Variants in RASSF3 observed in about 807,000 individuals in gnomAD.
The protein encoded by RASSF3 is Ras association domain family member 3, also known as ras association domain-containing protein 3.
A neutral mutation model predicts 19.9 loss-of-function variants in RASSF3; 19 were observed. That is an observed-to-expected ratio of 0.96 (90% CI 0.67 to 1.40). The LOEUF is 1.40. Ranked by LOEUF, RASSF3 falls within the 40% of genes most tolerant of loss-of-function variation. The pLI is 0.00. For missense variants in RASSF3, 306 were observed against 289.8 expected (o/e 1.06, Z -0.41); for synonymous variants, 110 against 104.2 (o/e 1.06, Z -0.34).
chr12:64,688,967 T>C (rs1873468691), intron 3 of RASSF3, among the ~76,000 whole-genome samples: 1 of 152,202 alleles, frequency 6.6e-6, no homozygotes, highest in African/African-American at 2.4e-5. Context: ...TGCCTTAGCT[T>C]GTCTCACTTG....
intron 2 of RASSF3, among the ~76,000 whole-genome samples, chr12:64,592,491 A>G (rs1248150510): frequency 1.3e-5 from 2 of 152,206 alleles, no homozygotes; most frequent in Non-Finnish European, 2.9e-5. Flanking sequence ...GTTTCCTACA[A>G]GAGGAAATGC....
intron 1 of RASSF3, among the ~76,000 whole-genome samples, chr12:64,675,064 C>A (rs1436871262): frequency 7.1e-6 from 1 of 140,572 alleles, no homozygotes; most frequent in Admixed American, 7.1e-5. Flanking sequence ...CCCCCCGCCA[C>A]CCCGGCTTCT....
rs1869228286 is a variant in RASSF3, at chr12:64,554,713, A to AC, written c.294+13011dup. On this transcript the variant is annotated intron_variant, in intron 2 of 5. Coordinates refer to the RASSF3 transcript ENST00000637125. ...GGAACTAGAAATGGGATGACAGTGA[A>AC]CCCAACTCCCATGACAATTACAACA... 3.3e-5 allele frequency among the ~76,000 whole-genome samples: 5 copies of AC among 152,294 alleles called. No homozygotes were observed. The South Asian group carries it at 8.3e-4, about 25-fold the overall frequency.
intron 1 of RASSF3, among the ~76,000 whole-genome samples, chr12:64,671,903 C>T (rs1193296581): frequency 6.6e-6 from 1 of 152,168 alleles, no homozygotes; most frequent in East Asian, 1.9e-4. Context: ...TGTGAACAGA[C>T]TTATCAAAGA....
chr12:64,547,295 C>T (rs1321257684), intron 2 of RASSF3, among the ~76,000 whole-genome samples: 1 of 148,834 alleles, frequency 6.7e-6, no homozygotes, highest in African/African-American at 2.5e-5. Context: ...AAGCCAGGCA[C>T]GGTGACTCAC....
At chr12:64,547,308 C>T (rs1379664859) in intron 2 of RASSF3, among the ~76,000 whole-genome samples, 1 of 150,746 alleles carries the variant, frequency 6.6e-6, no homozygotes, top group East Asian at 1.9e-4. Context: ...TGACTCACGC[C>T]TGTAATCCCA....
downstream of RASSF3, chr12:64,541,743 G>A (rs1381765705): frequency 1.3e-5 from 5 of 398,252 alleles, no homozygotes; most frequent in African/African-American, 1.0e-4. Context: ...CGTGCGTTTC[G>A]GTCACTCCCA....
chr12:64,541,587 AATATAT>A, exon 2 of RASSF3: 1 of 398,582 alleles, frequency 2.5e-6, no homozygotes, highest in Non-Finnish European at 4.4e-6. Context: ...TCAGAGGGTA[AATATAT>A]ATGTCATGCT....
At chr12:64,534,135 C>T (rs1868773149) in intron 1 of RASSF3, among the ~76,000 whole-genome samples, 1 of 152,004 alleles carries the variant, frequency 6.6e-6, no homozygotes, top group East Asian at 1.9e-4. Flanking sequence ...GTGGTGGGCA[C>T]CTGTAGTCTC....
intron 1 of RASSF3, among the ~76,000 whole-genome samples, chr12:64,646,885 T>A (rs962094977): frequency 6.6e-6 from 1 of 152,174 alleles, no homozygotes; most frequent in Non-Finnish European, 1.5e-5. Flanking sequence ...TGAGAAGTGA[T>A]TTGTATTCCT....
chr12:64,651,561 T>C (rs1254243226), intron 1 of RASSF3, among the ~76,000 whole-genome samples: 2 of 152,040 alleles, frequency 1.3e-5, no homozygotes, highest in Non-Finnish European at 2.9e-5. Context: ...TGTTTCACCA[T>C]GTTGGCCAGG....
intron 1 of RASSF3, among the ~76,000 whole-genome samples, chr12:64,514,681 T>G (rs926125566): frequency 5.3e-5 from 8 of 152,178 alleles, no homozygotes; most frequent in Non-Finnish European, 1.2e-4. Flanking sequence ...TCAGAGTGAC[T>G]TAGATCTTCC....
chr12:64,680,426 C>T (rs762527860), intron 1 of RASSF3, among the ~76,000 whole-genome samples: 1 of 151,934 alleles, frequency 6.6e-6, no homozygotes, highest in Non-Finnish European at 1.5e-5. Flanking sequence ...GGCGTGGTGT[C>T]TGCTGCTGAG....
At chr12:64,638,509 G>A (rs552551471) in intron 1 of RASSF3, among the ~76,000 whole-genome samples, 84 of 152,094 alleles carry the variant, frequency 5.5e-4, no homozygotes, top group African/African-American at 1.8e-3. Context: ...GAACCCAGGA[G>A]GCGGAGCTTG....
Position 64,688,074 on chromosome 12 carries a change from GC to G in RASSF3, c.220-141del, listed in dbSNP as rs1873426124. ...GCCCTCTGAGGTCATTCCTTTGGGG[GC>G]AATCTTTAGTGAAGTTCTGCCACAA... is the stretch of plus-strand genomic sequence containing the variant. On this transcript the variant is annotated intron_variant, in intron 2 of 4. Coordinates refer to ENST00000542104, the MANE Select transcript of RASSF3 (RefSeq NM_178169.4). 3 of 717,508 alleles carry G rather than the reference GC, an allele frequency of 4.2e-6. No individual in the cohort carries two copies. The East Asian group carries it at 7.4e-5, about 18-fold the overall frequency. The allele number at this position is 717,508 out of a possible 1,614,324, so 44.4% of individuals were successfully genotyped here.
chr12:64,610,844 G>A (rs1870328864), intron 1 of RASSF3, 101 bp downstream of exon 1: 1 of 602,582 alleles, frequency 1.7e-6, no homozygotes, highest in South Asian at 2.5e-5. Context: ...GGGCGCTCGG[G>A]GGATGCTCGC....
chr12:64,619,357 A>G (rs947852825), intron 1 of RASSF3, among the ~76,000 whole-genome samples: 2 of 151,982 alleles, frequency 1.3e-5, no homozygotes, highest in Non-Finnish European at 2.9e-5. Flanking sequence ...AGCCAATAAG[A>G]TAAAACTGAC....
intron 1 of RASSF3, among the ~76,000 whole-genome samples, chr12:64,662,422 A>G (rs1872401456): frequency 1.3e-5 from 2 of 151,582 alleles, no homozygotes; most frequent in African/African-American, 4.9e-5. Context: ...CCCTGTCTCA[A>G]ACAAAGAAAC....
downstream of RASSF3, among the ~76,000 whole-genome samples, chr12:64,546,051 ACGCCAATG>A (rs1869047325): frequency 7.3e-6 from 1 of 136,112 alleles, no homozygotes; most frequent in Non-Finnish European, 1.5e-5. Context: ...AGCTGAGATT[ACGCCAATG>A]CGCTCCAGCC....
Sources: allele counts gnomAD v4.1 joint callset (sites outside exome capture counted in the v4.1 genomes callset), GRCh38; gene constraint gnomAD v4.1.1; transcripts MANE v1.5; gene names NCBI Gene and HGNC (gene_info 2026-07-23, HGNC 2026-07-21).